Variants in SH3BP1 observed in about 807,000 individuals in gnomAD.
The protein encoded by SH3BP1 is SH3 domain-binding protein 1.
A neutral mutation model predicts 69.8 loss-of-function variants in SH3BP1; 46 were observed. That is an observed-to-expected ratio of 0.66 (90% CI 0.52 to 0.84). The LOEUF is 0.84. Among genes scored for constraint, SH3BP1 ranks in the 40% least tolerant of loss-of-function variants. The pLI is 0.00. For synonymous variants in SH3BP1, 403 were observed against 378.0 expected, an observed-to-expected ratio of 1.07 and a Z score of -0.77; for missense variants, 868 against 930.9, an observed-to-expected ratio of 0.93 and a Z score of 0.88.
At chr22:37,654,580 AAAAAG>A (rs1472299722) in intron 17 of SH3BP1, among the ~76,000 whole-genome samples, 1 of 152,050 alleles carries the variant, frequency 6.6e-6, no homozygotes, top group African/African-American at 2.4e-5. Context: ...TCAAAAAAAA[AAAAAG>A]AAAAAAGGCA....
chr22:37,639,830 A>T lies in SH3BP1; in HGVS notation c.43A>T (p.Thr15Ser). 1 of 1,568,224 alleles carries T rather than the reference A, an allele frequency of 6.4e-7. No individual in the cohort carries two copies. ...QLHRMRQLAQ[T>S]GSLGRTPETA... is the part of the protein sequence containing the mutation. ...GCACCGCATGCGGCAGCTGGCCCAGACGGGCAGCTTGGGACGGTGAGTGTC... is the reference window on the plus strand; with the variant it reads ...GCACCGCATGCGGCAGCTGGCCCAGTCGGGCAGCTTGGGACGGTGAGTGTC... The change falls in exon 1 of 18, where the codon ACG becomes TCG. Residue 15 changes from threonine to serine, a missense_variant. By Grantham distance (58) the Thr-to-Ser change is moderately conservative (BLOSUM62 1). Coordinates refer to ENST00000649765, the MANE Select transcript of SH3BP1 (RefSeq NM_018957.6).
rs559771452 is a variant in SH3BP1 at position 37,648,350 on chromosome 22, G to T, written c.1231G>T (p.Glu411Ter). Residue 411 changes from glutamate (E) to a stop codon, truncating the protein, a stop_gained, in exon 14 of 18, where the codon GAG (glutamate) becomes TAG (stop). Transcript: ENST00000649765. LOFTEE classifies it high-confidence loss of function. ...YLMKFLARLAEEQEVNKMTPS... is the reference protein window; with the variant it reads ...YLMKFLARLA ...GATGAAGTTCCTGGCACGGCTGGCC[G>T]AGGAGCAGGAGGTGAACAAGATGAC... 2.5e-6 allele frequency: 4 copies of T among 1,576,888 alleles called. No homozygotes were observed. The highest frequency in any genetic ancestry group is 1.3e-5 in the African/African-American group (1 of 74,640).
At chr22:37,647,584 C>A in intron 13 of SH3BP1, 63 bp downstream of exon 13, 1 of 1,336,452 alleles carries the variant, frequency 7.5e-7, no homozygotes, top group Non-Finnish European at 1.0e-6. Flanking sequence ...GTCACGGACC[C>A]TGGGACCCTG....
rs932471890 is a variant in SH3BP1, at chr22:37,643,662, G to C, written c.492G>C (p.Lys164Asn). Reference sequence around the variant, plus strand: ...TCTCCAGGCTCAGTCAGGCAACCAAGAATTCAGGCAGCAGTCAAGGCCTAG... The same window carrying C: ...TCTCCAGGCTCAGTCAGGCAACCAACAATTCAGGCAGCAGTCAAGGCCTAG... The part of the protein sequence containing the change: ...TLKSRLSQAT[K>N]NSGSSQGLGG... The change falls in exon 7 of 18, where the codon AAG becomes AAC. Residue 164 changes from lysine (K) to asparagine (N), a missense_variant. Transcript: ENST00000649765. 2 of 1,614,176 alleles carry C rather than the reference G, an allele frequency of 1.2e-6. No individual in the cohort carries two copies. Among genetic ancestry groups the C allele is most frequent in the Non-Finnish European group, 1.7e-6 (2 of 1,180,028 alleles).
In SH3BP1 at chr22:37,650,625, C is replaced by A; in HGVS notation, c.1498C>A (p.Pro500Thr). Residue 500 changes from proline to threonine, a missense_variant, in exon 16 of 18, where the codon CCG becomes ACG. Pro to Thr is a conservative substitution (Grantham distance 38). Transcript: ENST00000649765. ...VSDRLASEEL[P>T]STAVPTPATT... The stretch of plus-strand genomic sequence containing the variant: ...TGACAGGCTGGCCTCTGAGGAACTT[C>A]CGTCCACTGCCGTGCCCACCCCAGC... 1 of 1,614,008 alleles carries A rather than the reference C, an allele frequency of 6.2e-7. No homozygotes were observed. Among genetic ancestry groups the A allele is most frequent in the African/African-American group, 1.3e-5 (1 of 75,064 alleles).
At chr22:37,650,332 A>G in intron 15 of SH3BP1, 83 bp downstream of exon 15, 3 of 1,524,420 alleles carry the variant, frequency 2.0e-6, no homozygotes, top group South Asian at 1.2e-5. Flanking sequence ...CAAACTCACC[A>G]TAAGTCCAGG....
chr22:37,655,396 C>A lies in SH3BP1; in HGVS notation c.1818C>A (p.Pro606=). ...SGSPGTPQAL[P]RRLVGSSLRA... is the part of the protein sequence containing the mutation. ...GCCCTGGGACCCCCCAAGCCCTGCC[C>A]CGACGTCTGGTTGGCAGCAGCCTCC... is the stretch of plus-strand genomic sequence containing the variant. Residue 606 remains proline, a synonymous_variant, in exon 18 of 18, where the codon CCC becomes CCA. Transcript: ENST00000649765. 6.8e-7 allele frequency: 1 copy of A among 1,464,162 alleles called. No homozygotes were observed. The highest frequency in any genetic ancestry group is 1.2e-5 in the South Asian group (1 of 80,220). 90.7% of individuals were successfully genotyped at this position (1,464,162 alleles called of 1,614,324 possible). A position where few individuals can be genotyped will look rare whatever the true frequency, so the allele number is the denominator to read the frequency against.
rs372022824 is a variant in SH3BP1 at position 37,641,458 on chromosome 22, G to C, written c.187G>C (p.Ala63Pro). The C allele has an allele frequency of 3.2e-6, 5 of 1,551,058 alleles. No individual in the cohort carries two copies. In the African/African-American group the frequency reaches 6.8e-5, roughly 21 times the overall value. ...LQACLQGQSG[A>P]DMDKRVKKLP... ...GGCCTGTCTGCAGGGCCAGAGCGGG[G>C]CAGACATGGACAAGCGGGTGGTGAG... Residue 63 changes from alanine to proline, a missense_variant, in exon 3 of 18, where the codon GCA becomes CCA. Ala to Pro is a conservative substitution (Grantham distance 27). This residue lies in a region of SH3BP1 where 387 missense variants were observed against 447.9 expected (regional missense o/e 0.86). Coordinates refer to ENST00000649765, the MANE Select transcript of SH3BP1 (RefSeq NM_018957.6).
Position 37,645,412 on chromosome 22 carries a change from G to A in SH3BP1, c.826G>A (p.Val276Met), listed in dbSNP as rs770776481. ...CACCCACTTCCCCAGGGTGTATGGGGTGTCGCTGGCAACCCACCTGCAAGA... is the reference window on the plus strand; with the variant it reads ...CACCCACTTCCCCAGGGTGTATGGGATGTCGCTGGCAACCCACCTGCAAGA... ...TATHFPRVYGVSLATHLQELG... is the reference protein window; with the variant it reads ...TATHFPRVYGMSLATHLQELG... Residue 276 changes from valine (V) to methionine (M), a missense_variant, in exon 10 of 18, where the codon GTG becomes ATG. Physicochemically the swap from Val to Met is conservative, Grantham distance 21 (BLOSUM62 1). Transcript: ENST00000649765. 8.7e-6 allele frequency: 14 copies of A among 1,613,750 alleles called. 1 individual carries two copies. In the Admixed American group the frequency reaches 2.0e-4, roughly 23 times the overall value.
At position 37,655,442 on chromosome 22, in the gene SH3BP1, C is replaced by A; in HGVS notation, c.1864C>A (p.Pro622Thr). 1 of 1,314,220 alleles carries A rather than the reference C, an allele frequency of 7.6e-7. No individual in the cohort carries two copies. Among genetic ancestry groups the A allele is most frequent in the Non-Finnish European group, 1.0e-6 (1 of 962,526 alleles). 81.4% of individuals were successfully genotyped at this position (1,314,220 alleles called of 1,614,324 possible). ...CCTCCGAGCCCCCACAGTGCCACCC[C>A]CGTTACCCCCCACACCCCCTCAGCC... is the stretch of plus-strand genomic sequence containing the variant. ...SSLRAPTVPP[P>T]LPPTPPQPAR... Residue 622 changes from proline (P) to threonine (T), a missense_variant, in exon 18 of 18, where the codon CCG becomes ACG. By Grantham distance (38) the Pro-to-Thr change is conservative (BLOSUM62 -1). This residue lies in a region of SH3BP1 where 474 missense variants were observed against 462.3 expected (regional missense o/e 1.03). Coordinates refer to ENST00000649765, the MANE Select transcript of SH3BP1 (RefSeq NM_018957.6).
chr22:37,641,105 C>CT lies in SH3BP1; in HGVS notation c.60-21_60-20insT, dbSNP rs780215970. On this transcript the variant is annotated intron_variant, in intron 1 of 17. Coordinates refer to ENST00000649765, the MANE Select transcript of SH3BP1 (RefSeq NM_018957.6). ...GGCTCAGCAGAAGCACTCTCCCCCCCCCCCCCACCACTCCCCGCAGCACCC... is the reference window on the plus strand; with the variant it reads ...GGCTCAGCAGAAGCACTCTCCCCCCCTCCCCCCACCACTCCCCGCAGCACCC... 3.4e-5 allele frequency: 45 copies of CT among 1,310,232 alleles called. 2 individuals are homozygous for CT. The highest frequency in any genetic ancestry group is 1.2e-4 in the Admixed American group (6 of 49,242). 81.2% of individuals were successfully genotyped at this position (1,310,232 alleles called of 1,614,324 possible). A position where few individuals can be genotyped will look rare whatever the true frequency, so the allele number is the denominator to read the frequency against.
At chr22:37,646,059 T>G (rs1479929645) in intron 10 of SH3BP1, among the ~76,000 whole-genome samples, 1 of 145,518 alleles carries the variant, frequency 6.9e-6, no homozygotes, top group African/African-American at 2.6e-5. Context: ...CTCTGTCTCC[T>G]GGGTTCAAGC....
At chr22:37,653,019 C>T (rs368989491) in intron 16 of SH3BP1, among the ~76,000 whole-genome samples, 1 of 151,996 alleles carries the variant, frequency 6.6e-6, no homozygotes, top group Non-Finnish European at 1.5e-5. Context: ...CGCCTGTAAT[C>T]TCAGCTACTC....
intron 4 of SH3BP1, 54 bp from the exon 5 acceptor site, chr22:37,642,841 C>G: frequency 6.3e-7 from 1 of 1,594,404 alleles, no homozygotes; most frequent in East Asian, 2.2e-5. Context: ...CCAAGTGTTT[C>G]CAGTGGAGGT....
chr22:37,639,787 G>A lies in SH3BP1; in HGVS notation c.-1G>A, dbSNP rs1278690084. 6.5e-7 allele frequency: 1 copy of A among 1,545,128 alleles called. No individual in the cohort carries two copies. ...CCCGCAGCCCCCAGCTCGCCCCCAA[G>A]ATGATGAAGAGGCAGCTGCACCGCA... is the stretch of plus-strand genomic sequence containing the variant. On this transcript the variant is annotated 5_prime_UTR_variant, in exon 1 of 18. Transcript: ENST00000649765.
At position 37,655,532 on chromosome 22, in the gene SH3BP1, C is replaced by T; in HGVS notation, c.1954C>T (p.Pro652Ser). ...CCCGGCCTCCCCAGGTCCAGCCTCC[C>T]CCAGCCCAGTCTCTTTGAGTAACCC... ...PSPASPGPASPSPVSLSNPAQ... is the reference protein window; with the variant it reads ...PSPASPGPASSSPVSLSNPAQ... The change falls in exon 18 of 18, where the codon CCC becomes TCC. Residue 652 changes from proline (P) to serine (S), a missense_variant. Physicochemically the swap from Pro to Ser is moderately conservative, Grantham distance 74 (BLOSUM62 -1). Transcript: ENST00000649765. 2.5e-6 allele frequency: 4 copies of T among 1,590,756 alleles called. No individual in the cohort carries two copies. The highest frequency in any genetic ancestry group is 2.3e-5 in the South Asian group (2 of 87,512).
intron 3 of SH3BP1, chr22:37,641,746 A>G: frequency 2.4e-6 from 1 of 422,486 alleles, no homozygotes; most frequent in South Asian, 3.7e-5. Flanking sequence ...ATCAGTGCGC[A>G]AGAGCAGGCT....
Position 37,655,285 on chromosome 22 carries a change from G to C in SH3BP1, c.1707G>C (p.Ala569=). ...CTTCCTCAACAGCCAAGCGCCCGGCGCCAGCCCGGCCCACCATGCCGCCCC... is the reference window on the plus strand; with the variant it reads ...CTTCCTCAACAGCCAAGCGCCCGGCCCCAGCCCGGCCCACCATGCCGCCCC... ...EDMARRTKRP[A]PARPTMPPPQ... is the part of the protein sequence containing the mutation. The change falls in exon 18 of 18, where the codon GCG becomes GCC. Residue 569 remains alanine (A), a synonymous_variant. Coordinates refer to ENST00000649765, the MANE Select transcript of SH3BP1 (RefSeq NM_018957.6). The C allele has an allele frequency of 6.3e-7, 1 of 1,580,260 alleles. No individual in the cohort carries two copies. Among genetic ancestry groups the C allele is most frequent in the Non-Finnish European group, 8.6e-7 (1 of 1,166,058 alleles).
chr22:37,647,083 A>G (rs988414443), intron 11 of SH3BP1, among the ~76,000 whole-genome samples, 154 bp downstream of exon 11: 2 of 152,158 alleles, frequency 1.3e-5, no homozygotes, highest in Admixed American at 6.6e-5. Flanking sequence ...GAGCCCCCCG[A>G]AAATGTTTGG....
Sources: gnomAD v4.1 joint callset for allele counts (sites outside exome capture counted in the v4.1 genomes callset) on GRCh38, gnomAD v4.1.1 for gene constraint, gnomAD v4.1.1 regional missense constraint, MANE v1.5 for transcripts, NCBI Gene and HGNC (gene_info 2026-07-23, HGNC 2026-07-21) for gene names.